Variants in MSI2 observed in about 807,000 individuals in gnomAD.
MSI2 encodes RNA-binding protein Musashi homolog 2.
In MSI2, 17 loss-of-function variants were observed where a neutral mutation model predicts 45.6. That is an observed-to-expected ratio of 0.37 (90% CI 0.26 to 0.56). The LOEUF is 0.56. Among genes scored for constraint, MSI2 ranks in the 20% least tolerant of loss-of-function variants. The probability of loss-of-function intolerance (pLI) is 0.77; values close to 1 mark genes in which losing one functional copy is unlikely to be tolerated. For synonymous variants in MSI2, 156 were observed against 158.2 expected (o/e 0.99, Z 0.11); for missense variants, 293 against 444.2 (o/e 0.66, Z 3.06).
chr17:57,534,401 G>A (rs1409525727), intron 7 of MSI2, among the ~76,000 whole-genome samples: 2 of 152,198 alleles, frequency 1.3e-5, no homozygotes, highest in Admixed American at 6.5e-5. Context: ...GCCAGACAAG[G>A]AGCAGAGCTG....
chr17:57,327,835 G>A (rs1431826815), intron 5 of MSI2, among the ~76,000 whole-genome samples: 1 of 152,086 alleles, frequency 6.6e-6, no homozygotes, highest in Non-Finnish European at 1.5e-5. Context: ...TCTGTTCAGG[G>A]TGAGACATTT....
intron 5 of MSI2, among the ~76,000 whole-genome samples, chr17:57,310,335 A>ATT (rs571801845): frequency 1.1e-4 from 15 of 141,426 alleles, no homozygotes; most frequent in African/African-American, 2.8e-4. Context: ...AGGTTGTGTT[A>ATT]TTTTTTTTTT....
chr17:57,641,920 G>A (rs1910292652), intron 10 of MSI2, among the ~76,000 whole-genome samples: 1 of 152,214 alleles, frequency 6.6e-6, no homozygotes, highest in African/African-American at 2.4e-5. Context: ...CTCCCTTGAA[G>A]TCCTGCTGGC....
intron 6 of MSI2, among the ~76,000 whole-genome samples, chr17:57,513,487 C>T (rs2086401401): frequency 6.6e-6 from 1 of 152,182 alleles, no homozygotes; most frequent in Non-Finnish European, 1.5e-5. Context: ...TCTAGGTGCC[C>T]TAGCAGGCAC....
At chr17:57,526,356 G>GGGGTGTGTGT (rs1342100756) in intron 6 of MSI2, among the ~76,000 whole-genome samples, 47 of 122,600 alleles carry the variant, frequency 3.8e-4, no homozygotes, top group African/African-American at 9.9e-4. Flanking sequence ...GATATACCTG[G>GGGGTGTGTGT]GTGTGTGTGT....
At chr17:57,460,585 G>C (rs1416464600) in intron 6 of MSI2, among the ~76,000 whole-genome samples, 1 of 152,122 alleles carries the variant, frequency 6.6e-6, no homozygotes, top group Non-Finnish European at 1.5e-5. Context: ...CCTGGGGAGA[G>C]TACTAATGGG....
In MSI2 at chr17:57,256,677, C is replaced by A; in HGVS notation, c.-66C>A. On this transcript the variant is annotated 5_prime_UTR_variant, in exon 1 of 14. Coordinates refer to ENST00000284073, the MANE Select transcript of MSI2 (RefSeq NM_138962.4). ...GGAGATCTCGGGGCTCGGAGCCGGC[C>A]GCCGCTCCGCTCCGATCGCTGTGGG... is the stretch of plus-strand genomic sequence containing the variant. 2.8e-6 allele frequency: 2 copies of A among 719,858 alleles called. No homozygotes were observed. The highest frequency in any genetic ancestry group is 5.2e-5 in the Admixed American group (1 of 19,396). The allele number at this position is 719,858 out of a possible 1,614,324, so 44.6% of individuals were successfully genotyped here.
At chr17:57,480,255 G>A (rs923734778) in intron 6 of MSI2, among the ~76,000 whole-genome samples, 3 of 152,132 alleles carry the variant, frequency 2.0e-5, no homozygotes, top group Non-Finnish European at 2.9e-5. Flanking sequence ...GAGCCACCAC[G>A]CCCAGCCACG....
intron 11 of MSI2, among the ~76,000 whole-genome samples, chr17:57,672,914 C>G (rs773382209): frequency 6.6e-6 from 1 of 152,218 alleles, no homozygotes; most frequent in Non-Finnish European, 1.5e-5. Flanking sequence ...TCAAAAATCT[C>G]CATCCCTTTT....
At chr17:57,323,649 T>C (rs945403994) in intron 5 of MSI2, among the ~76,000 whole-genome samples, 1 of 152,264 alleles carries the variant, frequency 6.6e-6, no homozygotes, top group African/African-American at 2.4e-5. Context: ...GTTGCCTAGG[T>C]CAGCGTCCTG....
At chr17:57,515,233 T>C (rs1017716200) in intron 6 of MSI2, among the ~76,000 whole-genome samples, 2 of 152,220 alleles carry the variant, frequency 1.3e-5, no homozygotes, top group African/African-American at 4.8e-5. Context: ...AGACGGAGTC[T>C]CGCTCTGTTG....
chr17:57,594,964 C>T (rs1905140017), intron 7 of MSI2, among the ~76,000 whole-genome samples: 1 of 152,146 alleles, frequency 6.6e-6, no homozygotes, highest in Admixed American at 6.5e-5. Flanking sequence ...ATAAAGATCA[C>T]GATTGCTGTG....
rs114994813 is a variant in MSI2, at chr17:57,568,731, T to C, written c.455-28137T>C. 4.5e-3 allele frequency among the ~76,000 whole-genome samples: 693 copies of C among 152,348 alleles called. 2 individuals carry two copies. The highest frequency in any genetic ancestry group is 0.014 in the African/African-American group (592 of 41,562). Reference sequence around the variant, plus strand: ...GTGCTTTTCAGCACATTCCTTCATGTTAAAATTGCCATAGACTTTCAACCA... The same window carrying C: ...GTGCTTTTCAGCACATTCCTTCATGCTAAAATTGCCATAGACTTTCAACCA... On this transcript the variant is annotated intron_variant, in intron 7 of 13. Coordinates refer to ENST00000284073, the MANE Select transcript of MSI2 (RefSeq NM_138962.4).
intron 7 of MSI2, among the ~76,000 whole-genome samples, chr17:57,556,675 A>G (rs1002347111): frequency 6.6e-6 from 1 of 152,206 alleles, no homozygotes; most frequent in African/African-American, 2.4e-5. Flanking sequence ...TGAGGCCCTC[A>G]CTACTGGGAG....
downstream of MSI2, among the ~76,000 whole-genome samples, chr17:57,687,227 A>ATT (rs796194756): frequency 1.5e-4 from 23 of 151,054 alleles, no homozygotes; most frequent in African/African-American, 3.4e-4. Flanking sequence ...TTCAGATGGA[A>ATT]TTTTTTTTGG....
chr17:57,563,667 C>A (rs1326496800), intron 7 of MSI2, among the ~76,000 whole-genome samples: 1 of 151,878 alleles, frequency 6.6e-6, no homozygotes, highest in East Asian at 1.9e-4. Flanking sequence ...CCCATAATGG[C>A]CCCATTTTAG....
intron 10 of MSI2, among the ~76,000 whole-genome samples, chr17:57,641,986 C>T (rs1448612986): frequency 1.3e-5 from 2 of 152,212 alleles, no homozygotes; most frequent in African/African-American, 2.4e-5. Context: ...GCGTCGGAGC[C>T]CTTGTAATGT....
At chr17:57,387,265 T>G (rs1197304486) in intron 5 of MSI2, among the ~76,000 whole-genome samples, 4 of 152,256 alleles carry the variant, frequency 2.6e-5, no homozygotes, top group Non-Finnish European at 5.9e-5. Flanking sequence ...ACACATTTAG[T>G]AAAGTTCCTG....
intron 7 of MSI2, among the ~76,000 whole-genome samples, chr17:57,569,242 G>A (rs2087813658): frequency 6.6e-6 from 1 of 152,144 alleles, no homozygotes; most frequent in African/African-American, 2.4e-5. Flanking sequence ...GAAATAGAGG[G>A]GCCTTGCCTG....
Sources: allele counts gnomAD v4.1 joint callset (sites outside exome capture counted in the v4.1 genomes callset), GRCh38; gene constraint gnomAD v4.1.1; transcripts MANE v1.5; gene names NCBI Gene and HGNC (gene_info 2026-07-23, HGNC 2026-07-21).